The following SMG7 variants were observed in gnomAD, a reference collection of about 807,000 sequenced individuals.
SMG7 encodes the protein nonsense-mediated mRNA decay factor SMG7.
In SMG7, 34 loss-of-function variants were observed where a neutral mutation model predicts 148.2. The observed-to-expected ratio is 0.23, with a 90% CI of 0.17 to 0.31. The LOEUF (loss-of-function observed/expected upper bound fraction) is 0.31, where lower values mean the gene tolerates loss of function less well. SMG7 is among the 10% of genes least tolerant of loss of function. The pLI, the probability that SMG7 is intolerant of heterozygous loss-of-function variation, is 1.00. For synonymous variants in SMG7, 492 were observed against 515.1 expected, an observed-to-expected ratio of 0.96 and a Z score of 0.61; for missense variants, 1,114 against 1,408.4, an observed-to-expected ratio of 0.79 and a Z score of 3.35.
intron 8 of SMG7, 137 bp downstream of exon 8, chr1:183,529,670 T>A (rs766044755): frequency 4.7e-5 from 31 of 663,906 alleles, no homozygotes; most frequent in East Asian, 3.1e-4. Flanking sequence ...GTATGTGAAA[T>A]CTTTGCATTT....
intron 12 of SMG7, 29 bp from the exon 13 acceptor site, chr1:183,540,955 T>C: frequency 6.2e-7 from 1 of 1,606,538 alleles, no homozygotes; most frequent in Non-Finnish European, 8.5e-7. Context: ...CAATTTAATA[T>C]TCTCATAACT....
chr1:183,532,069 CTAATG>C (rs1445778677), intron 8 of SMG7, among the ~76,000 whole-genome samples: 1 of 152,142 alleles, frequency 6.6e-6, no homozygotes, highest in Non-Finnish European at 1.5e-5. Context: ...ATTATATTCT[CTAATG>C]ATAATGTAAA....
chr1:183,477,490 GTGCATA>G (rs1652643933), intron 1 of SMG7, among the ~76,000 whole-genome samples: 1 of 151,868 alleles, frequency 6.6e-6, no homozygotes, highest in African/African-American at 2.4e-5. Context: ...ATACACGTGT[GTGCATA>G]TGTGTATATA....
intron 8 of SMG7, among the ~76,000 whole-genome samples, chr1:183,532,333 G>A (rs1384835462): frequency 6.6e-6 from 1 of 152,184 alleles, no homozygotes; most frequent in African/African-American, 2.4e-5. Context: ...TATGGCTAAA[G>A]TGTAGGATGA....
intron 10 of SMG7, among the ~76,000 whole-genome samples, chr1:183,534,125 C>A (rs1448933037): frequency 6.6e-6 from 1 of 152,094 alleles, no homozygotes; most frequent in Non-Finnish European, 1.5e-5. Context: ...TGAAGTAAAA[C>A]CAGTTTGTTT....
Position 183,512,808 on chromosome 1 carries a change from CTTTTTTTTTT to C in SMG7, c.30-18_30-9del, listed in dbSNP as rs59379855. ...GCCTCGTTTGTTTCTAACTGATACT[CTTTTTTTTTT>C]TTTTTTTTTTCTATCTAGGCAGGCA... On this transcript the variant is annotated intron_variant, in intron 1 of 22. Coordinates refer to ENST00000688051, the MANE Select transcript of SMG7 (RefSeq NM_001375584.1). 1.5e-5 allele frequency: 19 copies of C among 1,279,382 alleles called. No homozygotes were observed. The highest frequency in any genetic ancestry group is 1.1e-4 in the Admixed American group (4 of 34,788). 79.3% of individuals were successfully genotyped at this position (1,279,382 alleles called of 1,614,324 possible).
intron 4 of SMG7, among the ~76,000 whole-genome samples, chr1:183,521,287 T>C (rs1016668055): frequency 6.6e-6 from 1 of 152,036 alleles, no homozygotes; most frequent in African/African-American, 2.4e-5. Flanking sequence ...TTAGTAGAGA[T>C]GGACTTTCGC....
chr1:183,530,684 T>G (rs557543225), intron 8 of SMG7, among the ~76,000 whole-genome samples: 1 of 152,250 alleles, frequency 6.6e-6, no homozygotes, highest in East Asian at 1.9e-4. Context: ...TTGAAATCTA[T>G]AGGGGGCTGA....
chr1:183,550,019 G>T, intron 20 of SMG7, 96 bp downstream of exon 20: 8 of 786,176 alleles, frequency 1.0e-5, no homozygotes, highest in Admixed American at 5.7e-5. Context: ...TATATCATTT[G>T]TTGGGTTATT....
chr1:183,516,081 A>G lies in SMG7; in HGVS notation c.179+90A>G. 13 of 788,778 alleles carry G rather than the reference A, an allele frequency of 1.6e-5. No individual in the cohort carries two copies. The South Asian group carries it at 1.8e-4, about 11-fold the overall frequency. The allele number at this position is 788,778 out of a possible 1,614,324, so 48.9% of individuals were successfully genotyped here. ...AGTTTGGTTCGTTATTTATTTTTCA[A>G]CCTGTTGCAGAATAAACTTTTTCAA... On this transcript the variant is annotated intron_variant, in intron 3 of 22. Transcript: ENST00000688051.
In SMG7 at chr1:183,538,426, G is replaced by C; in HGVS notation, c.1281G>C (p.Leu427Phe). Residue 427 changes from leucine to phenylalanine, a missense_variant, in exon 12 of 23, where the codon TTG becomes TTC. Physicochemically the swap from Leu to Phe is conservative, Grantham distance 22. This residue lies in a region of SMG7 where 102 missense variants were observed against 147.2 expected (regional missense o/e 0.69). Transcript: ENST00000688051. Reference protein sequence around the residue: ...EEFELQGFLALRPSFRNLDFS... With the variant: ...EEFELQGFLAFRPSFRNLDFS... ...TTGAATTACAAGGATTTTTGGCATT[G>C]AGACCTTCTTTCAGGTAGGTGATAG... 1 of 1,611,356 alleles carries C rather than the reference G, an allele frequency of 6.2e-7. No individual in the cohort carries two copies. The highest frequency in any genetic ancestry group is 8.5e-7 in the Non-Finnish European group (1 of 1,177,532).
At position 183,526,751 on chromosome 1, in the gene SMG7, C is replaced by T. The variant is rs1302239782; in HGVS notation, c.468C>T (p.Val156=). The change falls in exon 5 of 23, where the codon GTC becomes GTT. Residue 156 remains valine, a synonymous_variant. Coordinates refer to ENST00000688051, the MANE Select transcript of SMG7 (RefSeq NM_001375584.1). The stretch of plus-strand genomic sequence containing the variant: ...CCTATATCTGCCAGCACTGCCTCGT[C>T]CACCTTGGAGACATTGGTGAGCCTT... ...SCSYICQHCL[V]HLGDIARYRN... 6.2e-7 allele frequency: 1 copy of T among 1,613,034 alleles called. No individual in the cohort carries two copies. The highest frequency in any genetic ancestry group is 1.1e-5 in the South Asian group (1 of 90,814).
Position 183,472,595 on chromosome 1 carries a change from G to A in SMG7, c.-26G>A. The A allele has an allele frequency of 1.4e-6, 2 of 1,437,688 alleles. No homozygotes were observed. The highest frequency in any genetic ancestry group is 1.8e-6 in the Non-Finnish European group (2 of 1,084,726). The allele number at this position is 1,437,688 out of a possible 1,614,324, so 89.1% of individuals were successfully genotyped here. On this transcript the variant is annotated 5_prime_UTR_variant, in exon 1 of 23. Coordinates refer to ENST00000688051, the MANE Select transcript of SMG7 (RefSeq NM_001375584.1). ...CTGAGAGACCCACGGAGGCTTCGCG[G>A]GAAGACGCGGCGGCGGCGGCGGAGG...
At chr1:183,476,972 G>A (rs544010987) in intron 1 of SMG7, among the ~76,000 whole-genome samples, 2 of 152,174 alleles carry the variant, frequency 1.3e-5, no homozygotes, top group East Asian at 1.9e-4. Flanking sequence ...AGGATAGGCC[G>A]CAGGTGAGGT....
At chr1:183,539,865 C>A (rs903972066) in intron 12 of SMG7, among the ~76,000 whole-genome samples, 1 of 152,168 alleles carries the variant, frequency 6.6e-6, no homozygotes, top group Admixed American at 6.5e-5. Context: ...AACCTTCCTA[C>A]GTATAGTTCT....
At chr1:183,524,906 C>T (rs1401403761) in intron 4 of SMG7, among the ~76,000 whole-genome samples, 1 of 152,044 alleles carries the variant, frequency 6.6e-6, no homozygotes, top group Non-Finnish European at 1.5e-5. Context: ...TTTCCCTCTC[C>T]CTCCCTCTCT....
chr1:183,516,520 T>C (rs973398398), intron 3 of SMG7, among the ~76,000 whole-genome samples: 2 of 152,212 alleles, frequency 1.3e-5, no homozygotes, highest in African/African-American at 4.8e-5. Flanking sequence ...CTTCTTTCTA[T>C]AAGGGGCAAA....
chr1:183,502,243 C>G, intron 1 of SMG7: 1 of 1,483,866 alleles, frequency 6.7e-7, no homozygotes, highest in Non-Finnish European at 9.0e-7. Context: ...TCCTCCTCTC[C>G]TCTATCTAGA....
At chr1:183,492,665 A>G (rs772863023) in intron 1 of SMG7, among the ~76,000 whole-genome samples, 9 of 152,184 alleles carry the variant, frequency 5.9e-5, no homozygotes, top group Non-Finnish European at 1.2e-4. Flanking sequence ...CTGAAGAATC[A>G]GCTTTTGTCT....
Sources: gnomAD v4.1 joint callset for allele counts (sites outside exome capture counted in the v4.1 genomes callset) on GRCh38, gnomAD v4.1.1 for gene constraint, gnomAD v4.1.1 regional missense constraint, MANE v1.5 for transcripts, NCBI Gene and HGNC (gene_info 2026-07-23, HGNC 2026-07-21) for gene names.